Variants in BNC2 observed in about 807,000 individuals in gnomAD.
The protein encoded by BNC2 is basonuclin zinc finger protein 2.
Under a neutral mutation model 76.3 loss-of-function variants are expected in BNC2, and 20 were observed. That is an observed-to-expected ratio of 0.26 (90% CI 0.18 to 0.38). The LOEUF is 0.38. BNC2 is among the 10% of genes least tolerant of loss of function. The pLI, the probability that BNC2 is intolerant of heterozygous loss-of-function variation, is 1.00. For missense variants in BNC2, 1,382 were observed against 1,399.8 expected (o/e 0.99, Z 0.20); for synonymous variants, 582 against 514.8 (o/e 1.13, Z -1.77).
intron 5 of BNC2, among the ~76,000 whole-genome samples, chr9:16,465,569 G>T (rs578072925): frequency 6.6e-6 from 1 of 151,708 alleles, no homozygotes; most frequent in Non-Finnish European, 1.5e-5. Context: ...GGTCACAATT[G>T]TATACTGGTT....
intron 4 of BNC2, 91 bp downstream of exon 4, chr9:16,582,892 G>GACACAC (rs149223772): frequency 0.07 from 43,721 of 624,638 alleles, 1,413 homozygotes; most frequent in African/African-American, 0.13. Flanking sequence ...CCTCTAAACA[G>GACACAC]ACACACACAC....
intron 1 of BNC2, among the ~76,000 whole-genome samples, chr9:16,748,699 C>A (rs1825082626): frequency 6.6e-6 from 1 of 150,966 alleles, no homozygotes; most frequent in African/African-American, 2.4e-5. Flanking sequence ...AAAAATTAGC[C>A]AGGCATGGTG....
chr9:16,672,616 T>G (rs912580067), intron 3 of BNC2, among the ~76,000 whole-genome samples: 3 of 152,234 alleles, frequency 2.0e-5, no homozygotes, highest in Non-Finnish European at 2.9e-5. Context: ...AATCACCCTA[T>G]GCATAATCCT....
At chr9:16,563,911 T>C (rs1819088955) in intron 4 of BNC2, among the ~76,000 whole-genome samples, 1 of 152,228 alleles carries the variant, frequency 6.6e-6, no homozygotes, top group Admixed American at 6.5e-5. Flanking sequence ...TTAAAATTAG[T>C]AATATTTATA....
chr9:16,578,032 TAA>T (rs869124093), intron 4 of BNC2, among the ~76,000 whole-genome samples: 1 of 151,028 alleles, frequency 6.6e-6, no homozygotes, highest in Admixed American at 6.7e-5. Flanking sequence ...ACAGTGGAAT[TAA>T]AAAAAAATTT....
rs192471560 is a variant in BNC2, at chr9:16,478,858, G to A, written c.670-41334C>T. Among the ~76,000 whole-genome samples, 299 of 152,186 alleles carry A rather than the reference G, an allele frequency of 2.0e-3. 3 individuals carry two copies. In the Middle Eastern group the frequency reaches 0.027, roughly 14 times the overall value. Reference sequence around the variant, plus strand: ...TCATCTCTCAAAGCTCTTCCCGCTCGGACTAAAGAAAAGAAGCATGACCCT... The same window carrying A: ...TCATCTCTCAAAGCTCTTCCCGCTCAGACTAAAGAAAAGAAGCATGACCCT... On this transcript the variant is annotated intron_variant, in intron 5 of 6. Coordinates refer to ENST00000380672, the MANE Select transcript of BNC2 (RefSeq NM_017637.6).
intron 3 of BNC2, among the ~76,000 whole-genome samples, chr9:16,707,097 G>T (rs910435259): frequency 3.9e-5 from 6 of 152,114 alleles, no homozygotes; most frequent in African/African-American, 1.4e-4. Flanking sequence ...AGCTAATCGG[G>T]AGGCTGAGGC....
intron 5 of BNC2, among the ~76,000 whole-genome samples, chr9:16,454,226 A>G (rs2382802): frequency 0.55 from 83,577 of 152,032 alleles, 25,629 homozygotes; most frequent in African/African-American, 0.82. Flanking sequence ...CTGAGTACAG[A>G]GTCTGTAAAA....
chr9:16,835,196 C>A (rs941221613), intron 1 of BNC2, among the ~76,000 whole-genome samples: 1 of 152,138 alleles, frequency 6.6e-6, no homozygotes, highest in Admixed American at 6.5e-5. Context: ...AAACATTATT[C>A]GTCTTTTCTG....
At position 16,410,673 on chromosome 9, in the gene BNC2, G is replaced by A. The variant is rs2118883676; in HGVS notation, c.*8316C>T. On this transcript the variant is annotated 3_prime_UTR_variant, in exon 7 of 7. Coordinates refer to ENST00000380672, the MANE Select transcript of BNC2 (RefSeq NM_017637.6). Reference sequence around the variant, plus strand: ...TCCAAAGCAATTAAAACCAAGATGAGGGAGGGCGTGTTCTACCTTCTTGCT... The same window carrying A: ...TCCAAAGCAATTAAAACCAAGATGAAGGAGGGCGTGTTCTACCTTCTTGCT... 6.6e-6 allele frequency: 1 copy of A among 152,568 alleles called. No homozygotes were observed. Among genetic ancestry groups the A allele is most frequent in the South Asian group, 2.1e-4 (1 of 4,822 alleles). The allele number at this position is 152,568 out of a possible 1,614,324, so 9.5% of individuals were successfully genotyped here.
intron 5 of BNC2, among the ~76,000 whole-genome samples, chr9:16,515,205 C>G (rs527679944): frequency 1.2e-4 from 18 of 152,320 alleles, no homozygotes; most frequent in African/African-American, 3.4e-4. Flanking sequence ...GGAATCATGT[C>G]AGCTCCAAGA....
At chr9:16,543,732 G>A (rs1123982) in intron 5 of BNC2, among the ~76,000 whole-genome samples, 4,946 of 152,246 alleles carry the variant, frequency 0.032, 273 homozygotes, top group African/African-American at 0.11. Flanking sequence ...TTTGGCATGG[G>A]ATTCAAAATC....
chr9:16,651,840 TC>T (rs1821802584), intron 3 of BNC2, among the ~76,000 whole-genome samples: 2 of 152,038 alleles, frequency 1.3e-5, no homozygotes, highest in Admixed American at 6.6e-5. Context: ...CAGTAGTAAA[TC>T]AAGTGACTAT....
chr9:16,853,773 C>A (rs1300103699), intron 1 of BNC2, among the ~76,000 whole-genome samples: 1 of 152,056 alleles, frequency 6.6e-6, no homozygotes, highest in East Asian at 1.9e-4. Context: ...GAGGGTGAGG[C>A]AGGAGAACTG....
In BNC2 at chr9:16,739,033, A is replaced by G. The variant is rs1370226606; in HGVS notation, c.4-548T>C. Reference sequence around the variant, plus strand: ...ATCCCTTCCAGCCAGTATGGTTTAGAAAAAAAAAAAAGCTTCTACACCGAG... The same window carrying G: ...ATCCCTTCCAGCCAGTATGGTTTAGGAAAAAAAAAAAGCTTCTACACCGAG... On this transcript the variant is annotated intron_variant, in intron 1 of 6. Coordinates refer to ENST00000380672, the MANE Select transcript of BNC2 (RefSeq NM_017637.6). Among the ~76,000 whole-genome samples the G allele has an allele frequency of 2.9e-4, 40 of 139,730 alleles. 2 individuals are homozygous for G. The highest frequency in any genetic ancestry group is 2.4e-3 in the Admixed American group (34 of 13,996). 91.7% of individuals were successfully genotyped at this position (139,730 alleles called of 152,430 possible). A position where few individuals can be genotyped will look rare whatever the true frequency, so the allele number is the denominator to read the frequency against.
chr9:16,579,750 A>G (rs2133003750), intron 4 of BNC2: 1 of 188,668 alleles, frequency 5.3e-6, no homozygotes, highest in Admixed American at 6.1e-5. Flanking sequence ...TATGGTAGAT[A>G]ATGACCCATG....
At chr9:16,621,632 T>C (rs1254696932) in intron 3 of BNC2, among the ~76,000 whole-genome samples, 1 of 152,092 alleles carries the variant, frequency 6.6e-6, no homozygotes, top group Non-Finnish European at 1.5e-5. Context: ...GTCAACCCTT[T>C]AAAAGCTACT....
At chr9:16,792,707 GT>G (rs1563945701) in intron 1 of BNC2, among the ~76,000 whole-genome samples, 2 of 152,138 alleles carry the variant, frequency 1.3e-5, no homozygotes, top group African/African-American at 4.8e-5. Flanking sequence ...GAAAGAATTC[GT>G]ATTTATCATA....
At chr9:16,831,966 T>G (rs1350837551) in intron 1 of BNC2, among the ~76,000 whole-genome samples, 2 of 152,216 alleles carry the variant, frequency 1.3e-5, no homozygotes, top group Non-Finnish European at 2.9e-5. Flanking sequence ...CATAATTTTT[T>G]GACCTTATCT....
Sources: gnomAD v4.1 joint callset for allele counts (sites outside exome capture counted in the v4.1 genomes callset) on GRCh38, gnomAD v4.1.1 for gene constraint, MANE v1.5 for transcripts, NCBI Gene and HGNC (gene_info 2026-07-23, HGNC 2026-07-21) for gene names.